EEPD1: variants seen among roughly 807,000 people sequenced by gnomAD.
The protein encoded by EEPD1 is endonuclease/exonuclease/phosphatase family domain-containing protein 1.
A neutral mutation model predicts 46.3 loss-of-function variants in EEPD1; 17 were observed. That is an observed-to-expected ratio of 0.37 (90% CI 0.25 to 0.55). EEPD1 has a LOEUF of 0.55. Among genes scored for constraint, EEPD1 ranks in the 20% least tolerant of loss-of-function variants. The pLI, the probability that EEPD1 is intolerant of heterozygous loss-of-function variation, is 0.83. For synonymous variants in EEPD1, 313 were observed against 315.6 expected (o/e 0.99, Z 0.09); for missense variants, 673 against 745.6 (o/e 0.90, Z 1.13).
Position 36,284,724 on chromosome 7 carries a change from C to T in EEPD1, c.1080C>T (p.Ala360=), listed in dbSNP as rs111320816. Residue 360 remains alanine, a synonymous_variant, in exon 5 of 8, where the codon GCC becomes GCT. Coordinates refer to ENST00000242108, the MANE Select transcript of EEPD1 (RefSeq NM_030636.3). ...CAGGATTCCTATGGGACGCGGCTGC[C>T]GGCATGGAGCTGAGAGACGCGGGTT... is the stretch of plus-strand genomic sequence containing the variant. ...GYAGFLWDAA[A]GMELRDAGSQ... is the part of the protein sequence containing the mutation. The T allele has an allele frequency of 9.5e-4, 1,536 of 1,610,990 alleles. 8 individuals are homozygous for T. The African/African-American group carries it at 0.018, about 19-fold the overall frequency.
intron 2 of EEPD1, among the ~76,000 whole-genome samples, chr7:36,189,322 A>T (rs1785421405): frequency 6.6e-6 from 1 of 152,240 alleles, no homozygotes; most frequent in Non-Finnish European, 1.5e-5. Context: ...GTCTGGTTGA[A>T]AAATGGGGAT....
chr7:36,173,233 G>C (rs1162030424), intron 2 of EEPD1, among the ~76,000 whole-genome samples: 1 of 150,472 alleles, frequency 6.6e-6, no homozygotes. Flanking sequence ...AAAGTGTTTG[G>C]CTCCCAGCAC....
At chr7:36,245,446 T>C (rs1320374042) in intron 3 of EEPD1, among the ~76,000 whole-genome samples, 1 of 152,190 alleles carries the variant, frequency 6.6e-6, no homozygotes, top group Non-Finnish European at 1.5e-5. Flanking sequence ...AGTACATAGA[T>C]ACACAGAGAC....
chr7:36,160,680 G>GGGGT (rs72223265), intron 2 of EEPD1, among the ~76,000 whole-genome samples: 5 of 118,632 alleles, frequency 4.2e-5, no homozygotes, highest in Non-Finnish European at 4.2e-5. Context: ...AGGTGGTGGG[G>GGGGT]GGCGGGGCGT....
intron 2 of EEPD1, among the ~76,000 whole-genome samples, chr7:36,212,804 A>T (rs549430646): frequency 3.3e-5 from 5 of 152,140 alleles, no homozygotes; most frequent in African/African-American, 1.2e-4. Context: ...GTATTTTCAA[A>T]ATTTCCTATA....
chr7:36,196,434 C>T (rs566738639), intron 2 of EEPD1, among the ~76,000 whole-genome samples: 89 of 152,164 alleles, frequency 5.8e-4, no homozygotes, highest in African/African-American at 2.1e-3. Flanking sequence ...CTCTCCCTCT[C>T]CTTTCCATGG....
intron 2 of EEPD1, among the ~76,000 whole-genome samples, chr7:36,186,439 G>A (rs1785361112): frequency 6.6e-6 from 1 of 152,176 alleles, no homozygotes; most frequent in Admixed American, 6.5e-5. Context: ...GAAAAGCAGG[G>A]TTCATTTCTC....
chr7:36,171,705 A>G (rs1446322535), intron 2 of EEPD1, among the ~76,000 whole-genome samples: 1 of 152,238 alleles, frequency 6.6e-6, no homozygotes, highest in South Asian at 2.1e-4. Context: ...CCACTTTCAC[A>G]GTGAGTAAGT....
In EEPD1 at chr7:36,154,906, G is replaced by C. The variant is rs761653350; in HGVS notation, c.582G>C (p.Gln194His). Residue 194 changes from glutamine (Q) to histidine (H), a missense_variant, in exon 2 of 8, where the codon CAG becomes CAC. Gln to His is a conservative substitution (Grantham distance 24, BLOSUM62 0). Transcript: ENST00000242108. This position sits in a 1 kb window ranked among gnomAD's most constrained non-coding sequence, Gnocchi z 4.2. Reference protein sequence around the residue: ...NAAFLDRIRHQVFAERSRPPS... With the variant: ...NAAFLDRIRHHVFAERSRPPS... ...CCTTCCTGGACAGGATCCGGCACCA[G>C]GTGTTTGCTGAGAGGTCCAGGCCCC... is the stretch of plus-strand genomic sequence containing the variant. 6.2e-7 allele frequency: 1 copy of C among 1,614,150 alleles called. No individual in the cohort carries two copies. The highest frequency in any genetic ancestry group is 8.5e-7 in the Non-Finnish European group (1 of 1,180,040).
chr7:36,155,704 A>C (rs1376839172), intron 2 of EEPD1, among the ~76,000 whole-genome samples: 1 of 152,244 alleles, frequency 6.6e-6, no homozygotes, highest in Non-Finnish European at 1.5e-5. Flanking sequence ...CTATGAATGA[A>C]TCACTCTCCA....
chr7:36,197,623 T>A (rs532701924), intron 2 of EEPD1, among the ~76,000 whole-genome samples: 29 of 152,350 alleles, frequency 1.9e-4, no homozygotes, highest in Non-Finnish European at 2.2e-4. Context: ...CCCCCAACCC[T>A]GTGCTCTCTG....
At chr7:36,246,993 G>A (rs1265860330) in intron 3 of EEPD1, among the ~76,000 whole-genome samples, 3 of 152,036 alleles carry the variant, frequency 2.0e-5, no homozygotes, top group Non-Finnish European at 4.4e-5. Context: ...AGGCGTGGTG[G>A]CACACACCTG....
At chr7:36,159,733 C>T (rs553938032) in intron 2 of EEPD1, among the ~76,000 whole-genome samples, 4 of 152,282 alleles carry the variant, frequency 2.6e-5, no homozygotes, top group African/African-American at 9.6e-5. Flanking sequence ...CCTCTGGGGG[C>T]CTCTGTTTTT....
intron 6 of EEPD1, among the ~76,000 whole-genome samples, chr7:36,294,353 A>G (rs896761526): frequency 6.6e-6 from 1 of 152,218 alleles, no homozygotes; most frequent in Non-Finnish European, 1.5e-5. Flanking sequence ...ATACAAAAAG[A>G]TATTTAAGAT....
chr7:36,167,547 G>A (rs983858717), intron 2 of EEPD1, among the ~76,000 whole-genome samples: 1 of 151,990 alleles, frequency 6.6e-6, no homozygotes, highest in African/African-American at 2.4e-5. Context: ...TGAGAGCAGT[G>A]ACCTGGAGCC....
intron 2 of EEPD1, among the ~76,000 whole-genome samples, chr7:36,201,329 G>C (rs1785708822): frequency 1.3e-5 from 2 of 152,152 alleles, no homozygotes; most frequent in South Asian, 4.1e-4. Context: ...ATCACCATTA[G>C]GTTCCTGATT....
At position 36,154,421 on chromosome 7, in the gene EEPD1, A is replaced by G; in HGVS notation, c.97A>G (p.Ile33Val). Residue 33 changes from isoleucine (I) to valine (V), a missense_variant, in exon 2 of 8, where the codon ATT becomes GTT. Transcript: ENST00000242108. This position sits in a 1 kb window ranked among gnomAD's most constrained non-coding sequence, Gnocchi z 4.2. Reference protein sequence around the residue: ...KFSAACNFSNILVNQERLNIN... With the variant: ...KFSAACNFSNVLVNQERLNIN... ...CAGCGCAGCCTGTAACTTCAGCAAC[A>G]TTCTAGTGAATCAGGAGCGGCTCAA... is the stretch of plus-strand genomic sequence containing the variant. The G allele has an allele frequency of 6.2e-7, 1 of 1,614,180 alleles. No homozygotes were observed. Among genetic ancestry groups the G allele is most frequent in the South Asian group, 1.1e-5 (1 of 91,082 alleles).
chr7:36,222,633 A>C (rs939875608), intron 2 of EEPD1, among the ~76,000 whole-genome samples: 1 of 152,184 alleles, frequency 6.6e-6, no homozygotes, highest in Non-Finnish European at 1.5e-5. Context: ...TAAACAAAAG[A>C]CATTTATTTC....
chr7:36,272,503 G>GTTTTTTTTTTTTTTTTT (rs768898390), intron 3 of EEPD1, among the ~76,000 whole-genome samples: 1 of 122,648 alleles, frequency 8.2e-6, no homozygotes, highest in African/African-American at 3.2e-5. Flanking sequence ...GTTTTTTGTT[G>GTTTTTTTTTTTTTTTTT]TTGTTTTTTT....
Sources: gnomAD v4.1 joint callset for allele counts (sites outside exome capture counted in the v4.1 genomes callset) on GRCh38, gnomAD v4.1.1 for gene constraint, Gnocchi (gnomAD v3.1) non-coding constraint, MANE v1.5 for transcripts, NCBI Gene and HGNC (gene_info 2026-07-23, HGNC 2026-07-21) for gene names.